CLTCL1: variants seen among roughly 807,000 people sequenced by gnomAD.
The protein encoded by CLTCL1 is clathrin heavy chain like 1.
CLTCL1 carries 159 observed loss-of-function variants against 190.0 expected under a neutral mutation model. The ratio of observed to expected loss-of-function variants is 0.84; its 90% CI spans 0.74 to 0.95. The LOEUF (loss-of-function observed/expected upper bound fraction) is 0.95. CLTCL1 is among the 40% of genes least tolerant of loss of function. CLTCL1 has a pLI of 0.00. For missense variants in CLTCL1, 1,878 were observed against 2,033.4 expected (o/e 0.92, Z 1.47); for synonymous variants, 752 against 769.6 (o/e 0.98, Z 0.38).
At chr22:19,185,341 T>TTC (rs2146204863) in intron 29 of CLTCL1, among the ~76,000 whole-genome samples, 1 of 151,328 alleles carries the variant, frequency 6.6e-6, no homozygotes, top group Non-Finnish European at 1.5e-5. Context: ...TTTTTTTTTT[T>TTC]CTTGAGACGG....
At chr22:19,257,744 AG>A in intron 2 of CLTCL1, 1 of 1,314,952 alleles carries the variant, frequency 7.6e-7, no homozygotes, top group Non-Finnish European at 1.0e-6. Flanking sequence ...TGGCAGGAAT[AG>A]GGGGCATCTA....
At position 19,224,073 on chromosome 22, in the gene CLTCL1, C is replaced by A. The variant is rs1318432523; in HGVS notation, c.2129-19G>T. ...AAGAGGCCTATGAAGAGAGACCATT[C>A]CATTTTTGTCCTTGTAACACCTGCC... On this transcript the variant is annotated intron_variant, in intron 13 of 32. Coordinates refer to ENST00000427926, the MANE Select transcript of CLTCL1 (RefSeq NM_007098.4). 6.2e-7 allele frequency: 1 copy of A among 1,613,016 alleles called. No individual in the cohort carries two copies. Among genetic ancestry groups the A allele is most frequent in the Non-Finnish European group, 8.5e-7 (1 of 1,179,384 alleles).
At chr22:19,200,086 C>T (rs1280836491) in intron 23 of CLTCL1, among the ~76,000 whole-genome samples, 2 of 152,144 alleles carry the variant, frequency 1.3e-5, no homozygotes, top group Admixed American at 6.6e-5. Flanking sequence ...TGCATTACTT[C>T]GTAGGCCCTG....
intron 18 of CLTCL1, among the ~76,000 whole-genome samples, chr22:19,216,969 A>G (rs5748048): frequency 0.13 from 19,679 of 152,124 alleles, 1,644 homozygotes; most frequent in African/African-American, 0.23. Context: ...CCGTGTATCA[A>G]TGAGAGGGAA....
At chr22:19,274,502 A>G (rs2087430218) in intron 2 of CLTCL1, among the ~76,000 whole-genome samples, 1 of 152,222 alleles carries the variant, frequency 6.6e-6, no homozygotes, top group Admixed American at 6.5e-5. Context: ...TACTTTGACA[A>G]GATTACAAGG....
In CLTCL1 at chr22:19,239,248, G is replaced by A. The variant is rs781973654; in HGVS notation, c.795+27C>T. 3.3e-6 allele frequency: 5 copies of A among 1,532,022 alleles called. No individual in the cohort carries two copies. The East Asian group carries it at 1.1e-4, about 34-fold the overall frequency. 94.9% of individuals were successfully genotyped at this position (1,532,022 alleles called of 1,614,324 possible). On this transcript the variant is annotated intron_variant, in intron 5 of 32. Transcript: ENST00000427926. ...GCTAGAGTAGATTTTAGGACATGAA[G>A]ATGTTTAGAGAGCAGCACATTCGTA...
In CLTCL1 at chr22:19,196,581, A is replaced by T; in HGVS notation, c.3949T>A (p.Phe1317Ile). The change falls in exon 25 of 33, where the codon TTC becomes ATC. Residue 1317 changes from phenylalanine to isoleucine, a missense_variant. By Grantham distance (21) the Phe-to-Ile change is conservative (BLOSUM62 0). Transcript: ENST00000427926. ...GAGTAGAGGATGGCCAGCTCAGTGA[A>T]CATGCCCATGTGGGCCCGCTCCAGG... ...LGLERAHMGM[F>I]TELAILYSKF... 6.2e-7 allele frequency: 1 copy of T among 1,613,908 alleles called. No individual in the cohort carries two copies. The highest frequency in any genetic ancestry group is 1.1e-5 in the South Asian group (1 of 91,066).
intron 5 of CLTCL1, among the ~76,000 whole-genome samples, chr22:19,237,853 C>T (rs1248748995): frequency 6.6e-6 from 1 of 152,112 alleles, no homozygotes; most frequent in East Asian, 1.9e-4. Flanking sequence ...AAAGGGGTAG[C>T]CAAATTATCA....
intron 24 of CLTCL1, among the ~76,000 whole-genome samples, chr22:19,199,491 G>A (rs1555937784): frequency 6.6e-6 from 1 of 152,190 alleles, no homozygotes; most frequent in African/African-American, 2.4e-5. Context: ...TAACACAAGA[G>A]GATGGAGAGA....
chr22:19,222,041 C>T lies in CLTCL1; in HGVS notation c.2471G>A (p.Cys824Tyr), dbSNP rs1211517857. The change falls in exon 16 of 33, where the codon TGT (cysteine) becomes TAT (tyrosine). Residue 824 changes from cysteine (C) to tyrosine (Y), a missense_variant. Cys to Tyr is a radical substitution (Grantham distance 194). Coordinates refer to ENST00000427926, the MANE Select transcript of CLTCL1 (RefSeq NM_007098.4). ...AVIGGLLDVD[C>Y]SEEVIKHLIM... ...TAAGTGTTTAATCACTTCCTCAGAA[C>T]AATCCACATCAAGCAGCCCTCCAAT... The T allele has an allele frequency of 1.2e-6, 2 of 1,613,920 alleles. No homozygotes were observed. The highest frequency in any genetic ancestry group is 2.7e-5 in the African/African-American group (2 of 74,930).
chr22:19,267,028 A>G (rs1395146813), intron 2 of CLTCL1, among the ~76,000 whole-genome samples: 1 of 152,208 alleles, frequency 6.6e-6, no homozygotes, highest in Non-Finnish European at 1.5e-5. Context: ...TCTGGATTAG[A>G]AAGGAAGATG....
At chr22:19,180,486 A>C (rs1555925347) in intron 31 of CLTCL1, among the ~76,000 whole-genome samples, 1 of 152,172 alleles carries the variant, frequency 6.6e-6, no homozygotes, top group East Asian at 1.9e-4. Flanking sequence ...AGCAGGACAC[A>C]GCAGTAGTTC....
chr22:19,213,504 A>G (rs1283773552), intron 19 of CLTCL1, among the ~76,000 whole-genome samples: 4 of 152,244 alleles, frequency 2.6e-5, no homozygotes, highest in African/African-American at 9.6e-5. Context: ...TGTATTCATA[A>G]TAACCTCAAA....
chr22:19,265,609 T>C (rs149605327), intron 2 of CLTCL1, among the ~76,000 whole-genome samples: 1 of 152,214 alleles, frequency 6.6e-6, no homozygotes, highest in African/African-American at 2.4e-5. Flanking sequence ...GAGTGAAATT[T>C]CTGCATTTTA....
intron 22 of CLTCL1, among the ~76,000 whole-genome samples, chr22:19,203,949 C>T (rs541715732): frequency 2.6e-5 from 4 of 152,352 alleles, no homozygotes; most frequent in South Asian, 2.1e-4. Context: ...CTTGGCAGCA[C>T]GCCCTGCCGG....
At position 19,210,512 on chromosome 22, in the gene CLTCL1, G is replaced by T; in HGVS notation, c.3066-3C>A. 1.2e-6 allele frequency: 2 copies of T among 1,610,422 alleles called. No homozygotes were observed. Among genetic ancestry groups the T allele is most frequent in the Non-Finnish European group, 1.7e-6 (2 of 1,177,364 alleles). On this transcript the variant is annotated splice_region_variant and splice_polypyrimidine_tract_variant and intron_variant, in intron 19 of 32. Coordinates refer to ENST00000427926, the MANE Select transcript of CLTCL1 (RefSeq NM_007098.4). ...GGATCAACAGATTCTGTAGATTCCT[G>T]AGGAGAGAGGGTGGTCAGCACGGCA...
intron 6 of CLTCL1, 80 bp downstream of exon 6, chr22:19,235,616 T>C: frequency 7.2e-7 from 1 of 1,391,004 alleles, no homozygotes; most frequent in South Asian, 1.4e-5. Flanking sequence ...CCCAGCTGCT[T>C]TCCTAGAGAA....
At chr22:19,218,122 C>T (rs1276101970) in intron 18 of CLTCL1, among the ~76,000 whole-genome samples, 1 of 152,080 alleles carries the variant, frequency 6.6e-6, no homozygotes, top group African/African-American at 2.4e-5. Context: ...CTACAGATAT[C>T]CAATTACAGC....
intron 2 of CLTCL1, among the ~76,000 whole-genome samples, chr22:19,259,516 G>A (rs1555974502): frequency 6.6e-6 from 1 of 152,104 alleles, no homozygotes; most frequent in South Asian, 2.1e-4. Context: ...TCACACTTTG[G>A]TAATTCTCAT....
Sources: allele counts gnomAD v4.1 joint callset (sites outside exome capture counted in the v4.1 genomes callset), GRCh38; gene constraint gnomAD v4.1.1; transcripts MANE v1.5; gene names NCBI Gene and HGNC (gene_info 2026-07-23, HGNC 2026-07-21).